The following SOX5 variants were observed in gnomAD, a reference collection of about 807,000 sequenced individuals.
The protein encoded by SOX5 is transcription factor SOX-5.
Under a neutral mutation model 92.0 loss-of-function variants are expected in SOX5, and 9 were observed. The ratio of observed to expected loss-of-function variants is 0.10; its 90% CI spans 0.06 to 0.17. The LOEUF (loss-of-function observed/expected upper bound fraction) is 0.17. SOX5 is among the 10% of genes least tolerant of loss of function. SOX5 has a pLI of 1.00. For synonymous variants in SOX5, 344 were observed against 336.3 expected, an observed-to-expected ratio of 1.02 and a Z score of -0.25; for missense variants, 642 against 944.5, an observed-to-expected ratio of 0.68 and a Z score of 4.20.
intron 4 of SOX5, among the ~76,000 whole-genome samples, chr12:23,749,437 G>A (rs2094113940): frequency 6.6e-6 from 1 of 151,754 alleles, no homozygotes; most frequent in Admixed American, 6.6e-5. Flanking sequence ...ATCTTAAAAG[G>A]TGGGCCTTGG....
intron 4 of SOX5, among the ~76,000 whole-genome samples, chr12:23,973,434 C>A (rs1009814642): frequency 6.6e-6 from 1 of 152,108 alleles, no homozygotes; most frequent in Non-Finnish European, 1.5e-5. Context: ...GCTGGGATTA[C>A]AGGTGTGAGC....
intron 2 of SOX5, among the ~76,000 whole-genome samples, chr12:24,282,399 A>G (rs1463346067): frequency 6.6e-6 from 1 of 150,852 alleles, no homozygotes; most frequent in Non-Finnish European, 1.5e-5. Flanking sequence ...TAAATAAATA[A>G]AAATCAATAT....
At position 24,171,214 on chromosome 12, in the gene SOX5, TTTG is replaced by T. The variant is rs1220397558; in HGVS notation, c.-2+42126_-2+42128del. On this transcript the variant is annotated intron_variant, in intron 4 of 4. Transcript: ENST00000446891. ...TTTATTTCATTGGCCAACAGTTTTT[TTTG>T]TTTGTTTGTTTGTTTTTTTTTTTGG... 8.9e-4 allele frequency among the ~76,000 whole-genome samples: 29 copies of T among 32,678 alleles called. 4 individuals are homozygous for T. The East Asian group carries it at 0.023, about 26-fold the overall frequency. The allele number at this position is 32,678 out of a possible 152,430, so 21.4% of individuals were successfully genotyped here. A position where few individuals can be genotyped will look rare whatever the true frequency, so the allele number is the denominator to read the frequency against.
intron 4 of SOX5, among the ~76,000 whole-genome samples, chr12:24,174,765 A>G (rs566678407): frequency 2.0e-5 from 3 of 152,214 alleles, no homozygotes; most frequent in African/African-American, 7.2e-5. Flanking sequence ...GGTTGCAGTG[A>G]GCCAAGATTG....
At chr12:24,030,713 G>C (rs1398503982) in intron 4 of SOX5, among the ~76,000 whole-genome samples, 15 of 151,894 alleles carry the variant, frequency 9.9e-5, no homozygotes, top group South Asian at 2.1e-4. Context: ...AAACTAAAAA[G>C]CTTCTGCATA....
At chr12:24,436,016 G>T (rs1939360446) in intron 1 of SOX5, among the ~76,000 whole-genome samples, 1 of 152,164 alleles carries the variant, frequency 6.6e-6, no homozygotes, top group Admixed American at 6.5e-5. Context: ...AAACTTAATT[G>T]ATAGATATTG....
intron 2 of SOX5, among the ~76,000 whole-genome samples, chr12:24,283,656 C>T (rs1451251162): frequency 6.6e-6 from 1 of 152,138 alleles, no homozygotes; most frequent in Non-Finnish European, 1.5e-5. Context: ...AACACGATAG[C>T]GATATCTTAC....
intron 1 of SOX5, among the ~76,000 whole-genome samples, chr12:24,403,464 T>C (rs955838073): frequency 1.8e-4 from 27 of 152,334 alleles, no homozygotes; most frequent in Admixed American, 9.8e-4. Context: ...GAAGCAAATA[T>C]ACCAAAAAGC....
chr12:24,155,816 AG>A (rs773130060), intron 4 of SOX5, among the ~76,000 whole-genome samples: 31 of 152,122 alleles, frequency 2.0e-4, no homozygotes, highest in Non-Finnish European at 4.0e-4. Flanking sequence ...TTGAGGAAGG[AG>A]GGCAGGCCTG....
At chr12:24,170,365 C>T (rs1050388107) in intron 4 of SOX5, among the ~76,000 whole-genome samples, 1 of 152,144 alleles carries the variant, frequency 6.6e-6, no homozygotes, top group African/African-American at 2.4e-5. Flanking sequence ...AACCAGGCGC[C>T]ATGCTTGTGA....
intron 2 of SOX5, among the ~76,000 whole-genome samples, chr12:24,344,681 C>T (rs1324274575): frequency 2.0e-5 from 3 of 152,160 alleles, no homozygotes; most frequent in Non-Finnish European, 4.4e-5. Context: ...AAGGGATGTG[C>T]TTGGGTGGTC....
chr12:23,838,928 C>T (rs552629023), intron 3 of SOX5, among the ~76,000 whole-genome samples: 1 of 151,552 alleles, frequency 6.6e-6, no homozygotes, highest in Non-Finnish European at 1.5e-5. Context: ...CAACCTCCAC[C>T]TCCGGGGTTC....
intron 4 of SOX5, among the ~76,000 whole-genome samples, chr12:24,099,281 T>A (rs1328471651): frequency 6.6e-6 from 1 of 152,118 alleles, no homozygotes; most frequent in Non-Finnish European, 1.5e-5. Context: ...AGGCCGGGAT[T>A]CTTGAGGAAA....
intron 3 of SOX5, among the ~76,000 whole-genome samples, chr12:24,222,380 A>AT (rs969303626): frequency 5.9e-5 from 9 of 151,632 alleles, no homozygotes; most frequent in East Asian, 3.9e-4. Context: ...TGAATGTGGA[A>AT]TTTTTTTTTC....
intron 1 of SOX5, among the ~76,000 whole-genome samples, chr12:24,404,245 C>T (rs769717961): frequency 3.3e-5 from 5 of 151,902 alleles, no homozygotes; most frequent in Admixed American, 1.3e-4. Context: ...TACGTGAAGC[C>T]GACCACACAC....
chr12:24,258,442 C>T (rs1941584948), intron 3 of SOX5, among the ~76,000 whole-genome samples: 1 of 152,136 alleles, frequency 6.6e-6, no homozygotes, highest in South Asian at 2.1e-4. Flanking sequence ...ATTTTATCAC[C>T]ATTGGCTAAT....
intron 6 of SOX5, among the ~76,000 whole-genome samples, chr12:23,675,328 C>A (rs1189152237): frequency 1.3e-5 from 2 of 152,048 alleles, no homozygotes; most frequent in African/African-American, 4.8e-5. Flanking sequence ...TTCTTCTATC[C>A]GTCCTCAGAG....
chr12:23,807,895 G>A (rs1056473591), intron 3 of SOX5, among the ~76,000 whole-genome samples: 8 of 151,886 alleles, frequency 5.3e-5, no homozygotes, highest in African/African-American at 9.7e-5. Context: ...TGATCTGCCC[G>A]CCTCGGCCTC....
intron 1 of SOX5, among the ~76,000 whole-genome samples, chr12:24,524,285 A>G (rs1440377360): frequency 6.6e-6 from 1 of 152,194 alleles, no homozygotes; most frequent in Non-Finnish European, 1.5e-5. Context: ...ATAGCCTGTC[A>G]TGGGACTTCT....
Sources: gnomAD v4.1 joint callset for allele counts (sites outside exome capture counted in the v4.1 genomes callset) on GRCh38, gnomAD v4.1.1 for gene constraint, MANE v1.5 for transcripts, NCBI Gene and HGNC (gene_info 2026-07-23, HGNC 2026-07-21) for gene names.